LEMD2: variants seen among roughly 807,000 people sequenced by gnomAD.
LEMD2 encodes LEM domain nuclear envelope protein 2, also known as LEM domain-containing protein 2.
A neutral mutation model predicts 58.8 loss-of-function variants in LEMD2; 34 were observed. The observed-to-expected ratio is 0.58, with a 90% CI of 0.44 to 0.77. The LOEUF (loss-of-function observed/expected upper bound fraction) is 0.77. LEMD2 is among the 30% of genes least tolerant of loss of function. The pLI, the probability that LEMD2 is intolerant of heterozygous loss-of-function variation, is 0.00. For missense variants in LEMD2, 629 were observed against 717.9 expected, an observed-to-expected ratio of 0.88 and a Z score of 1.42; for synonymous variants, 298 against 308.9, an observed-to-expected ratio of 0.96 and a Z score of 0.37.
At chr6:33,782,519 C>T (rs752114420) in intron 3 of LEMD2, among the ~76,000 whole-genome samples, 1 of 152,234 alleles carries the variant, frequency 6.6e-6, no homozygotes, top group Non-Finnish European at 1.5e-5. Context: ...GCCGCTTTGC[C>T]TTGTCCTTCC....
chr6:33,774,168 CTTTT>C (rs11349649), intron 8 of LEMD2, among the ~76,000 whole-genome samples: 10 of 115,358 alleles, frequency 8.7e-5, no homozygotes, highest in Admixed American at 1.9e-4. Context: ...TAGGCACTGA[CTTTT>C]TTTTTTTTTT....
rs1767756243 is a variant in LEMD2 at position 33,788,939 on chromosome 6, C to T, written c.178G>A (p.Glu60Lys). ...AACCGGGCCTCTTCCCGTAACCGCT[C>T]CTCGCCCCGCGGCCGGGCCTCCTCC... Reference protein sequence around the residue: ...LREEARPRGEERLREEARLRE... With the variant: ...LREEARPRGEKRLREEARLRE... The change falls in exon 1 of 9, where the codon GAG becomes AAG. Residue 60 changes from glutamate (E) to lysine (K), a missense_variant. This residue lies in a region of LEMD2 where 386 missense variants were observed against 381.1 expected (regional missense o/e 1.01). Transcript: ENST00000293760. 6 of 1,503,950 alleles carry T rather than the reference C, an allele frequency of 4.0e-6. No individual in the cohort carries two copies. The highest frequency in any genetic ancestry group is 2.2e-5 in the Admixed American group (1 of 45,382). The allele number at this position is 1,503,950 out of a possible 1,614,324, so 93.2% of individuals were successfully genotyped here.
chr6:33,784,476 G>C, intron 2 of LEMD2, 49 bp from the exon 3 acceptor site: 1 of 410,648 alleles, frequency 2.4e-6, no homozygotes. Flanking sequence ...GGGTGGGAGG[G>C]GTCCGTCTGT....
chr6:33,781,361 A>C, intron 3 of LEMD2: 1 of 571,396 alleles, frequency 1.8e-6, no homozygotes, highest in Non-Finnish European at 3.1e-6. Flanking sequence ...CCTGACCTGC[A>C]AAGCAGTGTG....
At chr6:33,784,477 G>GGGGGGCCCCCCCCCC in intron 2 of LEMD2, 50 bp from the exon 3 acceptor site, 1 of 430,800 alleles carries the variant, frequency 2.3e-6, no homozygotes, top group Non-Finnish European at 4.8e-6. Context: ...GGTGGGAGGG[G>GGGGGGCCCCCCCCCC]TCCGTCTGTC....
chr6:33,784,672 A>AG (rs978113092), intron 2 of LEMD2: 1 of 437,570 alleles, frequency 2.3e-6, no homozygotes, highest in Admixed American at 3.4e-5. Context: ...ACTGTAACCA[A>AG]GGGGCTGCAT....
intron 6 of LEMD2, among the ~76,000 whole-genome samples, chr6:33,777,981 C>T (rs539423697): frequency 1.7e-4 from 26 of 152,354 alleles, no homozygotes; most frequent in East Asian, 3.9e-4. Flanking sequence ...GCCAGGCTCC[C>T]GCTCAGGAAA....
intron 8 of LEMD2, among the ~76,000 whole-genome samples, chr6:33,775,487 C>T (rs2395446): frequency 0.74 from 112,073 of 151,934 alleles, 42,291 homozygotes; most frequent in East Asian, 0.95. Flanking sequence ...CCACTAATAT[C>T]TATTTTTTGT....
rs769118521 is a variant in LEMD2 at position 33,788,472 on chromosome 6, G to C, written c.645C>G (p.Leu215=). 3 of 1,559,986 alleles carry C rather than the reference G, an allele frequency of 1.9e-6. No individual in the cohort carries two copies. In the East Asian group the frequency reaches 7.3e-5, roughly 38 times the overall value. Residue 215 remains leucine, a synonymous_variant, in exon 1 of 9, where the codon CTC becomes CTG. Transcript: ENST00000293760. ...RLERWLSRLL[L]WASLGLLLVF... Reference sequence around the variant, plus strand: ...CGAGCAGTAGCCCTAGGCTGGCCCAGAGCAGAAGCCGAGAGAGCCAGCGCT... The same window carrying C: ...CGAGCAGTAGCCCTAGGCTGGCCCACAGCAGAAGCCGAGAGAGCCAGCGCT...
At chr6:33,784,996 G>T (rs1767644555) in intron 2 of LEMD2, among the ~76,000 whole-genome samples, 1 of 152,214 alleles carries the variant, frequency 6.6e-6, no homozygotes, top group Non-Finnish European at 1.5e-5. Flanking sequence ...AAAGGAAACA[G>T]GAGGACAGAC....
At position 33,778,372 on chromosome 6, in the gene LEMD2, GTCT is replaced by G. The variant is rs752192039; in HGVS notation, c.1023_1025del (p.Glu341del). On this transcript the variant is annotated inframe_deletion, in exon 6 of 9. Transcript: ENST00000293760. This position sits in a 1 kb window ranked among gnomAD's most constrained non-coding sequence, Gnocchi z 4.7. The stretch of plus-strand genomic sequence containing the variant: ...CCACAGTCGTCACCAATTCAGACTG[GTCT>G]TCTCCTTTCAACCTGAAACAGGACA... The G allele has an allele frequency of 8.9e-6, 14 of 1,564,500 alleles. No individual in the cohort carries two copies. Among genetic ancestry groups the G allele is most frequent in the African/African-American group, 1.4e-5 (1 of 73,376 alleles).
chr6:33,786,417 T>C (rs1767677828), intron 2 of LEMD2, among the ~76,000 whole-genome samples: 1 of 152,168 alleles, frequency 6.6e-6, no homozygotes, highest in African/African-American at 2.4e-5. Context: ...GCCAGGGAGC[T>C]TGAGGGTCCT....
In LEMD2 at chr6:33,788,735, G is replaced by T. The variant is rs1277294399; in HGVS notation, c.382C>A (p.Gln128Lys). Residue 128 changes from glutamine (Q) to lysine (K), a missense_variant, in exon 1 of 9, where the codon CAA (glutamine) becomes AAA (lysine). By Grantham distance (53) the Gln-to-Lys change is moderately conservative. Around this residue, in one of 2 missense-constraint regions of LEMD2, gnomAD observed 386 missense variants for 381.1 expected, o/e 1.01. Transcript: ENST00000293760. ...CGGACCGAGGCGCGGCGCCTGAGTT[G>T]CGCCGGGCGGGCAGGATAGGCGAGG... ...RGLAYPARPAQLRRRASVRGS... is the reference protein window; with the variant it reads ...RGLAYPARPAKLRRRASVRGS... The T allele has an allele frequency of 7.0e-7, 1 of 1,431,466 alleles. No homozygotes were observed. The highest frequency in any genetic ancestry group is 1.5e-5 in the African/African-American group (1 of 67,594). 88.7% of individuals were successfully genotyped at this position (1,431,466 alleles called of 1,614,324 possible). A position where few individuals can be genotyped will look rare whatever the true frequency, so the allele number is the denominator to read the frequency against.
Position 33,786,754 on chromosome 6 carries a change from A to G in LEMD2, c.757T>C (p.Cys253Arg). The G allele has an allele frequency of 6.2e-7, 1 of 1,613,886 alleles. No individual in the cohort carries two copies. The highest frequency in any genetic ancestry group is 8.5e-7 in the Non-Finnish European group (1 of 1,179,856). The change falls in exon 2 of 9, where the codon TGT becomes CGT. Residue 253 changes from cysteine to arginine, a missense_variant. Around this residue, in one of 2 missense-constraint regions of LEMD2, gnomAD observed 243 missense variants for 336.8 expected, o/e 0.72. Coordinates refer to ENST00000293760, the MANE Select transcript of LEMD2 (RefSeq NM_181336.4). ...EDNMKLLPVD[C>R]ERKTDEFCQA... ...CTCACCTCATCTGTTTTTCTCTCAC[A>G]GTCCACTGGCAATAACTTCACTGAG...
In LEMD2 at chr6:33,788,418, C is replaced by T. The variant is rs1371091252; in HGVS notation, c.699G>A (p.Met233Ile). 6.3e-7 allele frequency: 1 copy of T among 1,585,872 alleles called. No individual in the cohort carries two copies. The change falls in exon 1 of 9, where the codon ATG becomes ATA. Residue 233 changes from methionine to isoleucine, a missense_variant. Met to Ile is a conservative substitution (Grantham distance 10, BLOSUM62 1). Transcript: ENST00000293760. Reference protein sequence around the residue: ...LVFLGILWVKMGKPSAPQEAE... With the variant: ...LVFLGILWVKIGKPSAPQEAE... ...CCTCCTGCGGCGCTGAGGGCTTGCCCATCTTCACCCAAAGGATGCCCAGGA... is the reference window on the plus strand; with the variant it reads ...CCTCCTGCGGCGCTGAGGGCTTGCCTATCTTCACCCAAAGGATGCCCAGGA...
At chr6:33,784,590 G>A in intron 2 of LEMD2, 163 bp from the exon 3 acceptor site, 1 of 587,802 alleles carries the variant, frequency 1.7e-6, no homozygotes, top group South Asian at 2.0e-5. Flanking sequence ...GGCCTAGGGA[G>A]AGAGTTGATA....
In LEMD2 at chr6:33,786,785, G is replaced by A; in HGVS notation, c.737-11C>T. 6.2e-7 allele frequency: 1 copy of A among 1,613,280 alleles called. No individual in the cohort carries two copies. Among genetic ancestry groups the A allele is most frequent in the African/African-American group, 1.3e-5 (1 of 74,992 alleles). On this transcript the variant is annotated splice_polypyrimidine_tract_variant and intron_variant, in intron 1 of 8. Transcript: ENST00000293760. ...CTGGCAATAACTTCACTGAGACCAA[G>A]AAAAGAAACACAGAGGAAATTAAGT...
rs1478518419 is a variant in LEMD2, at chr6:33,777,073, A to G, written c.1259-17T>C. On this transcript the variant is annotated splice_polypyrimidine_tract_variant and intron_variant, in intron 7 of 8. Coordinates refer to ENST00000293760, the MANE Select transcript of LEMD2 (RefSeq NM_181336.4). ...GGACCACGTCTGCAGGAGAGAGCAC[A>G]CCATTTAGGGCAAGGACCCTCTGGC... is the stretch of plus-strand genomic sequence containing the variant. 4 of 1,612,422 alleles carry G rather than the reference A, an allele frequency of 2.5e-6. No individual in the cohort carries two copies. The highest frequency in any genetic ancestry group is 2.7e-5 in the African/African-American group (2 of 74,896).
rs988549926 is a variant in LEMD2 at position 33,771,423 on chromosome 6, G to GAA, written c.*1203_*1204dup. The GAA allele has an allele frequency of 6.6e-6, 1 of 152,184 alleles. No individual in the cohort carries two copies. The highest frequency in any genetic ancestry group is 2.4e-5 in the African/African-American group (1 of 41,452). The allele number at this position is 152,184 out of a possible 1,614,324, so 9.4% of individuals were successfully genotyped here. A position where few individuals can be genotyped will look rare whatever the true frequency, so the allele number is the denominator to read the frequency against. The stretch of plus-strand genomic sequence containing the variant: ...TGAGGGAGACTGGAGCTTTATTAAG[G>GAA]AAACAAAAAATACCAGTAAGACTAG... On this transcript the variant is annotated 3_prime_UTR_variant, in exon 9 of 9. Transcript: ENST00000293760.
Sources: allele counts gnomAD v4.1 joint callset (sites outside exome capture counted in the v4.1 genomes callset), GRCh38; gene constraint gnomAD v4.1.1; regional missense constraint gnomAD v4.1.1; non-coding constraint Gnocchi (gnomAD v3.1); transcripts MANE v1.5; gene names NCBI Gene and HGNC (gene_info 2026-07-23, HGNC 2026-07-21).